The following PRCC variants were observed in gnomAD, a reference collection of about 807,000 sequenced individuals.
The protein encoded by PRCC is proline rich mitotic checkpoint control factor, also known as proline-rich protein PRCC.
PRCC carries 10 observed loss-of-function variants against 44.0 expected under a neutral mutation model. That is an observed-to-expected ratio of 0.23 (90% CI 0.14 to 0.39). The LOEUF is 0.39. Among genes scored for constraint, PRCC ranks in the 10% least tolerant of loss-of-function variants. The probability of loss-of-function intolerance (pLI) is 1.00; values close to 1 mark genes in which losing one functional copy is unlikely to be tolerated. For missense variants in PRCC, 573 were observed against 624.7 expected, an observed-to-expected ratio of 0.92 and a Z score of 0.88; for synonymous variants, 278 against 259.5, an observed-to-expected ratio of 1.07 and a Z score of -0.69.
chr1:156,767,558 C>T lies in PRCC; in HGVS notation c.-214C>T. ...GCGGCCATTAGCTGTGTGTAGTTGC[C>T]CGGGACTAGGAGCTTAAGTGAAGAG... On this transcript the variant is annotated 5_prime_UTR_variant, in exon 1 of 7. Coordinates refer to ENST00000271526, the MANE Select transcript of PRCC (RefSeq NM_005973.5). 1 of 579,018 alleles carries T rather than the reference C, an allele frequency of 1.7e-6. No individual in the cohort carries two copies. Among genetic ancestry groups the T allele is most frequent in the Non-Finnish European group, 3.0e-6 (1 of 330,330 alleles). 35.9% of individuals were successfully genotyped at this position (579,018 alleles called of 1,614,324 possible).
At chr1:156,799,959 T>TCAAA (rs1652782882) in intron 6 of PRCC, among the ~76,000 whole-genome samples, 1 of 152,232 alleles carries the variant, frequency 6.6e-6, no homozygotes, top group South Asian at 2.1e-4. Context: ...CTGTTTTGAC[T>TCAAA]GGTCCAGAGG....
chr1:156,769,503 G>T (rs1170586733), intron 1 of PRCC, among the ~76,000 whole-genome samples: 2 of 152,168 alleles, frequency 1.3e-5, no homozygotes, highest in Non-Finnish European at 2.9e-5. Context: ...TATTTTGTGA[G>T]TGAAAGAACT....
chr1:156,779,249 G>A (rs1443167808), intron 1 of PRCC, among the ~76,000 whole-genome samples: 1 of 144,082 alleles, frequency 6.9e-6, no homozygotes, highest in Non-Finnish European at 1.5e-5. Context: ...CCACCTCCCA[G>A]GCTCAAGCGA....
chr1:156,784,581 C>T (rs915544997), intron 2 of PRCC, among the ~76,000 whole-genome samples: 5 of 152,150 alleles, frequency 3.3e-5, no homozygotes, highest in Non-Finnish European at 4.4e-5. Flanking sequence ...TCCTATGAAC[C>T]GGAGCCTCTG....
intron 1 of PRCC, among the ~76,000 whole-genome samples, chr1:156,777,872 C>T (rs1463674312): frequency 6.6e-6 from 1 of 152,076 alleles, no homozygotes; most frequent in Admixed American, 6.6e-5. Context: ...GAAGGACTTA[C>T]ATGAAAGGAA....
chr1:156,792,809 G>A (rs2102771105), intron 4 of PRCC, among the ~76,000 whole-genome samples: 1 of 152,212 alleles, frequency 6.6e-6, no homozygotes, highest in South Asian at 2.1e-4. Flanking sequence ...TTAGTTGTGT[G>A]GTAATATGCC....
rs755198982 is a variant in PRCC at position 156,768,188 on chromosome 1, G to C, written c.417G>C (p.Lys139Asn). The change falls in exon 1 of 7, where the codon AAG (lysine) becomes AAC (asparagine). Residue 139 changes from lysine (K) to asparagine (N), a missense_variant. Around this residue, in one of 4 missense-constraint regions of PRCC, gnomAD observed 245 missense variants for 188.5 expected, o/e 1.30. Transcript: ENST00000271526. ...CCCCGCTGGGGCTTCCCAAGCCAAA[G>C]AAGAGGAAAGAGCCCGTGAAGATCG... ...AGPPLGLPKP[K>N]KRKEPVKIAA... The C allele has an allele frequency of 8.4e-6, 13 of 1,549,662 alleles. No homozygotes were observed. The highest frequency in any genetic ancestry group is 1.1e-5 in the Non-Finnish European group (13 of 1,147,894).
At chr1:156,798,720 G>T (rs1410674993) in intron 6 of PRCC, among the ~76,000 whole-genome samples, 1 of 151,864 alleles carries the variant, frequency 6.6e-6, no homozygotes, top group Non-Finnish European at 1.5e-5. Flanking sequence ...GCCAGGCGTG[G>T]TGCCTGTAAT....
At chr1:156,777,722 G>A (rs1015556329) in intron 1 of PRCC, among the ~76,000 whole-genome samples, 10 of 152,202 alleles carry the variant, frequency 6.6e-5, no homozygotes, top group African/African-American at 9.6e-5. Context: ...AATGAGTGAT[G>A]TAGGGACACC....
intron 3 of PRCC, among the ~76,000 whole-genome samples, chr1:156,789,119 G>A (rs555261024): frequency 6.6e-6 from 1 of 151,692 alleles, no homozygotes; most frequent in East Asian, 1.9e-4. Flanking sequence ...ATATGTGCCC[G>A]CCACCATGCC....
chr1:156,792,954 A>G (rs955927285), intron 4 of PRCC, among the ~76,000 whole-genome samples: 2 of 152,226 alleles, frequency 1.3e-5, no homozygotes, highest in Non-Finnish European at 1.5e-5. Flanking sequence ...AAGCTTCAGC[A>G]AAAGGAAAGG....
At chr1:156,795,285 GTTTTTTTTTTTTTT>G in intron 5 of PRCC, among the ~76,000 whole-genome samples, 1 of 36,062 alleles carries the variant, frequency 2.8e-5, no homozygotes, top group South Asian at 2.0e-3. Flanking sequence ...ATTTTCTGGT[GTTTTTTTTTTTTTT>G]TTTTTTTTTT....
chr1:156,771,607 G>A (rs575087271), intron 1 of PRCC, among the ~76,000 whole-genome samples: 2 of 152,350 alleles, frequency 1.3e-5, no homozygotes, highest in East Asian at 1.9e-4. Flanking sequence ...AGGGAATACG[G>A]GAGGCAGAGC....
Position 156,767,764 on chromosome 1 carries a change from G to C in PRCC, c.-8G>C. The C allele has an allele frequency of 6.3e-7, 1 of 1,589,128 alleles. No homozygotes were observed. The highest frequency in any genetic ancestry group is 8.6e-7 in the Non-Finnish European group (1 of 1,169,484). On this transcript the variant is annotated 5_prime_UTR_variant, in exon 1 of 7. Transcript: ENST00000271526. ...GCCGGCAAGGGCGCCCGAAACGCGG[G>C]AGGCGCCATGTCGCTGGTTGCTTAC...
At chr1:156,775,959 C>G (rs577700445) in intron 1 of PRCC, among the ~76,000 whole-genome samples, 1 of 152,142 alleles carries the variant, frequency 6.6e-6, no homozygotes, top group African/African-American at 2.4e-5. Flanking sequence ...CCCCGCCTTG[C>G]CTCATTTTTG....
intron 1 of PRCC, among the ~76,000 whole-genome samples, chr1:156,779,658 C>A (rs572477194): frequency 6.6e-6 from 1 of 151,992 alleles, no homozygotes; most frequent in Non-Finnish European, 1.5e-5. Flanking sequence ...TGTAAGCCAC[C>A]GGACTGGGCC....
In PRCC at chr1:156,768,188, G is replaced by T; in HGVS notation, c.417G>T (p.Lys139Asn). ...CCCCGCTGGGGCTTCCCAAGCCAAA[G>T]AAGAGGAAAGAGCCCGTGAAGATCG... ...AGPPLGLPKP[K>N]KRKEPVKIAA... The change falls in exon 1 of 7, where the codon AAG becomes AAT. Residue 139 changes from lysine (K) to asparagine (N), a missense_variant. Lys to Asn is a moderately conservative substitution (Grantham distance 94, BLOSUM62 0). Transcript: ENST00000271526. 1 of 1,549,780 alleles carries T rather than the reference G, an allele frequency of 6.5e-7. No homozygotes were observed.
chr1:156,791,069 T>C lies in PRCC; in HGVS notation c.1084-628T>C, dbSNP rs1652454744. 6.4e-6 allele frequency: 9 copies of C among 1,401,412 alleles called. 1 individual carries two copies. In the East Asian group the frequency reaches 3.1e-4, roughly 48 times the overall value. 86.8% of individuals were successfully genotyped at this position (1,401,412 alleles called of 1,614,324 possible). A position where few individuals can be genotyped will look rare whatever the true frequency, so the allele number is the denominator to read the frequency against. On this transcript the variant is annotated intron_variant, in intron 3 of 6. Transcript: ENST00000271526. ...CCTTCACCCTCCTCTTCCTCTAGGGTCTGCAGCAACATCTGGGCCACTCGC... is the reference window on the plus strand; with the variant it reads ...CCTTCACCCTCCTCTTCCTCTAGGGCCTGCAGCAACATCTGGGCCACTCGC...
In PRCC at chr1:156,791,744, C is replaced by T. The variant is rs1209675313; in HGVS notation, c.1131C>T (p.Val377=). ...GYYPAQDPAL[V]PPQEIAPDAS... is the part of the protein sequence containing the mutation. Reference sequence around the variant, plus strand: ...ATCCTGCACAGGACCCGGCCCTGGTCCCCCCCCAGGAAATTGCCCCAGATG... The same window carrying T: ...ATCCTGCACAGGACCCGGCCCTGGTTCCCCCCCAGGAAATTGCCCCAGATG... The change falls in exon 4 of 7, where the codon GTC becomes GTT. Residue 377 remains valine, a synonymous_variant. Coordinates refer to ENST00000271526, the MANE Select transcript of PRCC (RefSeq NM_005973.5). The T allele has an allele frequency of 1.9e-6, 3 of 1,611,494 alleles. No individual in the cohort carries two copies. Among genetic ancestry groups the T allele is most frequent in the African/African-American group, 2.7e-5 (2 of 74,740 alleles).
Sources: allele counts gnomAD v4.1 joint callset (sites outside exome capture counted in the v4.1 genomes callset), GRCh38; gene constraint gnomAD v4.1.1; regional missense constraint gnomAD v4.1.1; transcripts MANE v1.5; gene names NCBI Gene and HGNC (gene_info 2026-07-23, HGNC 2026-07-21).